The following ACOXL variants were observed in gnomAD, a reference collection of about 807,000 sequenced individuals.
ACOXL encodes acyl-CoA oxidase like, also known as acyl-coenzyme A oxidase-like protein.
Under a neutral mutation model 71.9 loss-of-function variants are expected in ACOXL, and 70 were observed. The observed-to-expected ratio is 0.97, with a 90% CI of 0.80 to 1.19. The LOEUF is 1.19. Ranked by LOEUF, ACOXL falls within the 50% of genes most tolerant of loss-of-function variation. The probability of loss-of-function intolerance (pLI) is 0.00; values close to 1 mark genes in which losing one functional copy is unlikely to be tolerated. For synonymous variants in ACOXL, 253 were observed against 281.6 expected (o/e 0.90, Z 1.02); for missense variants, 703 against 736.3 (o/e 0.95, Z 0.52).
intron 9 of ACOXL, among the ~76,000 whole-genome samples, chr2:110,829,757 A>G (rs946871056): frequency 2.0e-5 from 3 of 152,212 alleles, no homozygotes; most frequent in Admixed American, 6.5e-5. Flanking sequence ...CATCCATCAC[A>G]TTAGACAAAC....
At chr2:111,015,838 C>T (rs2064400289) in intron 14 of ACOXL, among the ~76,000 whole-genome samples, 1 of 152,108 alleles carries the variant, frequency 6.6e-6, no homozygotes, top group South Asian at 2.1e-4. Context: ...GAATTTTAGA[C>T]ATTATGTTTA....
intron 15 of ACOXL, among the ~76,000 whole-genome samples, chr2:111,046,863 AC>A (rs1027620429): frequency 1.3e-5 from 2 of 151,494 alleles, no homozygotes; most frequent in African/African-American, 4.9e-5. Context: ...GGTGGTTTGC[AC>A]GGGGAAGAGG....
At chr2:110,899,832 T>C (rs1050327263) in intron 10 of ACOXL, among the ~76,000 whole-genome samples, 1 of 152,134 alleles carries the variant, frequency 6.6e-6, no homozygotes, top group Non-Finnish European at 1.5e-5. Flanking sequence ...AAAAGTAAAT[T>C]AATTTCCCTT....
intron 15 of ACOXL, among the ~76,000 whole-genome samples, chr2:111,038,535 A>C (rs539159872): frequency 6.6e-6 from 1 of 152,236 alleles, no homozygotes; most frequent in African/African-American, 2.4e-5. Flanking sequence ...GTTTCAAAAT[A>C]TGGTTACATT....
chr2:110,885,485 A>AT (rs1436264243), intron 10 of ACOXL, among the ~76,000 whole-genome samples: 9 of 151,618 alleles, frequency 5.9e-5, no homozygotes, highest in South Asian at 2.1e-4. Context: ...TATTATTATT[A>AT]TTATTTTTTT....
chr2:110,852,329 C>T (rs1165945128), intron 10 of ACOXL, among the ~76,000 whole-genome samples: 1 of 152,086 alleles, frequency 6.6e-6, no homozygotes, highest in Non-Finnish European at 1.5e-5. Flanking sequence ...CACCGGGGAG[C>T]TCTCTGGTCA....
chr2:110,915,417 TATATATATA>T (rs2059815235), intron 11 of ACOXL, among the ~76,000 whole-genome samples: 1 of 132,676 alleles, frequency 7.5e-6, no homozygotes, highest in African/African-American at 3.0e-5. Context: ...CATATATATA[TATATATATA>T]TATTTTTTTT....
chr2:111,056,920 A>C (rs928971404), intron 16 of ACOXL, among the ~76,000 whole-genome samples: 3 of 152,104 alleles, frequency 2.0e-5, no homozygotes, highest in African/African-American at 7.2e-5. Flanking sequence ...AGTGCCTACT[A>C]TGTGTCCAGC....
At chr2:110,765,893 C>T (rs1680992257) in intron 1 of ACOXL, among the ~76,000 whole-genome samples, 1 of 152,282 alleles carries the variant, frequency 6.6e-6, no homozygotes, top group Non-Finnish European at 1.5e-5. Context: ...ATCAAGTTCA[C>T]TGATTCTATT....
chr2:110,863,632 C>T (rs1694217734), intron 10 of ACOXL, among the ~76,000 whole-genome samples: 2 of 152,122 alleles, frequency 1.3e-5, no homozygotes, highest in African/African-American at 4.8e-5. Context: ...GGACTAAAAC[C>T]CAAGTTCCCT....
chr2:110,797,647 GAAAC>G (rs1685439433), intron 5 of ACOXL, among the ~76,000 whole-genome samples: 2 of 152,172 alleles, frequency 1.3e-5, no homozygotes, highest in Non-Finnish European at 2.9e-5. Context: ...CAGGGCCTGG[GAAAC>G]AGCGAGGAAC....
chr2:110,760,497 T>C (rs1422822897), intron 1 of ACOXL, among the ~76,000 whole-genome samples: 1 of 152,220 alleles, frequency 6.6e-6, no homozygotes, highest in Non-Finnish European at 1.5e-5. Context: ...GACAGTTGTT[T>C]ATTATTGTTC....
chr2:111,058,202 G>A (rs1412840816), intron 16 of ACOXL, among the ~76,000 whole-genome samples: 2 of 152,180 alleles, frequency 1.3e-5, no homozygotes, highest in East Asian at 1.9e-4. Context: ...GAGAGAACAG[G>A]GCCTGGCCAA....
intron 9 of ACOXL, among the ~76,000 whole-genome samples, chr2:110,808,679 T>G (rs1214780243): frequency 6.6e-6 from 1 of 152,154 alleles, no homozygotes; most frequent in East Asian, 1.9e-4. Context: ...ATGCCCCCCT[T>G]TTGCATGGGT....
intron 10 of ACOXL, among the ~76,000 whole-genome samples, chr2:110,902,836 TGTG>T (rs1305283950): frequency 6.6e-6 from 1 of 152,160 alleles, no homozygotes; most frequent in Non-Finnish European, 1.5e-5. Context: ...GGAGGGTTTC[TGTG>T]GGAGCCACTG....
chr2:110,753,503 C>T (rs1339310614), intron 1 of ACOXL, among the ~76,000 whole-genome samples: 1 of 152,170 alleles, frequency 6.6e-6, no homozygotes, highest in East Asian at 1.9e-4. Context: ...CCCACAAGAG[C>T]ACAGTACAAT....
At chr2:110,805,945 G>C (rs1276684283) in intron 9 of ACOXL, among the ~76,000 whole-genome samples, 12 of 152,218 alleles carry the variant, frequency 7.9e-5, no homozygotes, top group Admixed American at 7.2e-4. Context: ...CTTCTCCCCA[G>C]GGCCCCAGTC....
chr2:110,910,004 C>T (rs1468094931), intron 11 of ACOXL, among the ~76,000 whole-genome samples: 4 of 152,068 alleles, frequency 2.6e-5, no homozygotes, highest in Non-Finnish European at 1.5e-5. Flanking sequence ...AATTTGCATA[C>T]AGTGAAATGC....
intron 15 of ACOXL, among the ~76,000 whole-genome samples, chr2:111,036,452 T>A (rs1432604443): frequency 6.6e-6 from 1 of 152,180 alleles, no homozygotes; most frequent in Non-Finnish European, 1.5e-5. Flanking sequence ...AGAAGGTCTG[T>A]TGCACCAAGA....
Sources: allele counts gnomAD v4.1 joint callset (sites outside exome capture counted in the v4.1 genomes callset), GRCh38; gene constraint gnomAD v4.1.1; transcripts MANE v1.5; gene names NCBI Gene and HGNC (gene_info 2026-07-23, HGNC 2026-07-21).